Variants in RAD54L observed in about 807,000 individuals in gnomAD.
RAD54L encodes RAD54 like.
In RAD54L, 74 loss-of-function variants were observed where a neutral mutation model predicts 91.6. That is an observed-to-expected ratio of 0.81 (90% confidence interval 0.67 to 0.98). The LOEUF (loss-of-function observed/expected upper bound fraction) is 0.98, where lower values mean the gene tolerates loss of function less well. Ranked by LOEUF, RAD54L falls within the 50% of genes least tolerant of loss-of-function variation. The probability of loss-of-function intolerance (pLI) is 0.00; values close to 1 mark genes in which losing one functional copy is unlikely to be tolerated. For missense variants in RAD54L, 887 were observed against 945.7 expected (o/e 0.94, Z 0.81); for synonymous variants, 304 against 349.7 (o/e 0.87, Z 1.46).
chr1:46,258,766 GT>G lies in RAD54L; in HGVS notation c.271+25del. The G allele has an allele frequency of 6.4e-7, 1 of 1,557,730 alleles. No homozygotes were observed. On this transcript the variant is annotated intron_variant, in intron 4 of 17. Coordinates refer to ENST00000371975, the MANE Select transcript of RAD54L (RefSeq NM_003579.4). ...ATCAAGGTAAAATGGAGGTTTTTCT[GT>G]TTTTGAAATCAGTCATATGTACGTG... is the stretch of plus-strand genomic sequence containing the variant.
intron 17 of RAD54L, 29 bp downstream of exon 17, chr1:46,278,009 A>G (rs758080712): frequency 6.2e-7 from 1 of 1,614,080 alleles, no homozygotes; most frequent in East Asian, 2.2e-5. Context: ...CATTATCTCT[A>G]AGCTACCCAC....
At position 46,260,066 on chromosome 1, in the gene RAD54L, C is replaced by G. The variant is rs147941516; in HGVS notation, c.374C>G (p.Pro125Arg). ...GCCTTGGTTCTGTATGAGCCTCCCC[C>G]GCTGAGCGCTCATGACCAGCTGAAG... ...KDALVLYEPPPLSAHDQLKLD... is the reference protein window; with the variant it reads ...KDALVLYEPPRLSAHDQLKLD... The change falls in exon 5 of 18, where the codon CCG (proline) becomes CGG (arginine). Residue 125 changes from proline to arginine, a missense_variant. Coordinates refer to ENST00000371975, the MANE Select transcript of RAD54L (RefSeq NM_003579.4). 6 of 1,614,080 alleles carry G rather than the reference C, an allele frequency of 3.7e-6. No homozygotes were observed. Among genetic ancestry groups the G allele is most frequent in the South Asian group, 2.2e-5 (2 of 91,082 alleles).
At chr1:46,259,701 G>T (rs112638255) in intron 4 of RAD54L, among the ~76,000 whole-genome samples, 1 of 151,906 alleles carries the variant, frequency 6.6e-6, no homozygotes, top group African/African-American at 2.4e-5. Flanking sequence ...GCTTGAACCT[G>T]GGAGGCAGAG....
chr1:46,261,291 TGTC>T lies in RAD54L; in HGVS notation c.798_800del (p.Ser268del). 6.2e-7 allele frequency: 1 copy of T among 1,613,412 alleles called. No homozygotes were observed. Among genetic ancestry groups the T allele is most frequent in the Non-Finnish European group, 8.5e-7 (1 of 1,179,896 alleles). On this transcript the variant is annotated inframe_deletion, in exon 8 of 18. Transcript: ENST00000371975. ...TTCATGAACCAGCGTGGAGCCAGGG[TGTC>T]TTCTCCCATCCTCATCATTTCCTAT...
At chr1:46,250,812 TA>T (rs1659776586) in intron 3 of RAD54L, among the ~76,000 whole-genome samples, 1 of 150,796 alleles carries the variant, frequency 6.6e-6, no homozygotes, top group South Asian at 2.1e-4. Flanking sequence ...CCGTCTCTAC[TA>T]AAAATACAAA....
At chr1:46,249,273 G>T (rs940449486) in intron 2 of RAD54L, among the ~76,000 whole-genome samples, 2 of 152,196 alleles carry the variant, frequency 1.3e-5, no homozygotes, top group Admixed American at 1.3e-4. Flanking sequence ...TGTGAATAAG[G>T]TGTGGGGTAG....
rs201788900 is a variant in RAD54L at position 46,278,110 on chromosome 1, G to C, written c.2072G>C (p.Arg691Pro). The C allele has an allele frequency of 1.9e-6, 3 of 1,613,918 alleles. No homozygotes were observed. Among genetic ancestry groups the C allele is most frequent in the East Asian group, 2.2e-5 (1 of 44,880 alleles). ...CGTTGTGTCAACAGCCGTCAGATCCGGCCACCCCCTGATGGTTCTGACTGC... is the reference window on the plus strand; with the variant it reads ...CGTTGTGTCAACAGCCGTCAGATCCCGCCACCCCCTGATGGTTCTGACTGC... ...CRRCVNSRQI[R>P]PPPDGSDCTS... Residue 691 changes from arginine (R) to proline (P), a missense_variant, in exon 18 of 18, where the codon CGG (arginine) becomes CCG (proline). By Grantham distance (103) the Arg-to-Pro change is moderately radical (BLOSUM62 -2). Coordinates refer to ENST00000371975, the MANE Select transcript of RAD54L (RefSeq NM_003579.4).
At chr1:46,268,424 T>C (rs904651242) in intron 9 of RAD54L, among the ~76,000 whole-genome samples, 6 of 152,194 alleles carry the variant, frequency 3.9e-5, no homozygotes, top group African/African-American at 1.2e-4. Flanking sequence ...AACTTGCCAG[T>C]GCTCAAGAGT....
At chr1:46,274,092 C>T (rs1306452016) in intron 14 of RAD54L, 46 bp from the exon 15 acceptor site, 2 of 1,541,430 alleles carry the variant, frequency 1.3e-6, no homozygotes, top group African/African-American at 1.4e-5. Context: ...TTTTTTCCCC[C>T]TAATCATTGA....
intron 9 of RAD54L, among the ~76,000 whole-genome samples, chr1:46,269,558 C>T (rs746881243): frequency 6.6e-5 from 10 of 152,038 alleles, no homozygotes; most frequent in Admixed American, 2.6e-4. Context: ...TCTGCTCAGC[C>T]TCCAACTATA....
chr1:46,251,453 C>T (rs1020972978), intron 3 of RAD54L, among the ~76,000 whole-genome samples: 3 of 152,146 alleles, frequency 2.0e-5, no homozygotes, highest in African/African-American at 7.2e-5. Flanking sequence ...TTTTCCCATC[C>T]CCAGAGGTAA....
At chr1:46,261,136 T>C (rs746340312) in intron 7 of RAD54L, 121 bp downstream of exon 7, 149 of 1,537,392 alleles carry the variant, frequency 9.7e-5, no homozygotes, top group Non-Finnish European at 1.3e-4. Flanking sequence ...AGAATTTCCA[T>C]TGAAAATAGT....
chr1:46,247,699 C>T, upstream of RAD54L: 1 of 158,762 alleles, frequency 6.3e-6, no homozygotes, highest in Non-Finnish European at 1.4e-5. Context: ...ATGGGTGATA[C>T]GACGGCAGCG....
In RAD54L at chr1:46,278,174, G is replaced by A. The variant is rs772277170; in HGVS notation, c.2136G>A (p.Lys712=). ...DLAGWNHCTD[K]WGLRDEVLQA... is the part of the protein sequence containing the mutation. ...CAGGGTGGAACCACTGCACTGATAA[G>A]TGGGGGCTCCGGGATGAGGTACTCC... Residue 712 remains lysine (K), a synonymous_variant, in exon 18 of 18, where the codon AAG becomes AAA. Coordinates refer to ENST00000371975, the MANE Select transcript of RAD54L (RefSeq NM_003579.4). 1 of 1,613,856 alleles carries A rather than the reference G, an allele frequency of 6.2e-7. No homozygotes were observed. The highest frequency in any genetic ancestry group is 8.5e-7 in the Non-Finnish European group (1 of 1,179,908).
chr1:46,276,016 G>A (rs751957571), intron 16 of RAD54L, among the ~76,000 whole-genome samples: 1 of 151,606 alleles, frequency 6.6e-6, no homozygotes, highest in Non-Finnish European at 1.5e-5. Flanking sequence ...CTACCTCTCT[G>A]ATTACTCATT....
chr1:46,253,409 C>G (rs1412426971), intron 3 of RAD54L, among the ~76,000 whole-genome samples: 5 of 152,096 alleles, frequency 3.3e-5, no homozygotes, highest in African/African-American at 1.2e-4. Context: ...GTCAGGAGAT[C>G]GGAGATTGAG....
intron 14 of RAD54L, 47 bp downstream of exon 14, chr1:46,273,794 CCTA>C (rs1360234366): frequency 6.4e-7 from 1 of 1,561,474 alleles, no homozygotes; most frequent in Non-Finnish European, 8.7e-7. Context: ...ATACCCCTCC[CCTA>C]CTGTCTGTCT....
At chr1:46,251,624 T>G (rs1259506919) in intron 3 of RAD54L, among the ~76,000 whole-genome samples, 1 of 152,078 alleles carries the variant, frequency 6.6e-6, no homozygotes, top group Non-Finnish European at 1.5e-5. Flanking sequence ...AAAATGGTGT[T>G]GGGTGGGCAT....
chr1:46,275,846 G>A (rs1407584529), intron 16 of RAD54L, among the ~76,000 whole-genome samples: 1 of 151,846 alleles, frequency 6.6e-6, no homozygotes, highest in East Asian at 1.9e-4. Context: ...CTTAAAAAAT[G>A]CTCTTCTAGG....
Sources: gnomAD v4.1 joint callset for allele counts (sites outside exome capture counted in the v4.1 genomes callset) on GRCh38, gnomAD v4.1.1 for gene constraint, MANE v1.5 for transcripts, NCBI Gene and HGNC (gene_info 2026-07-23, HGNC 2026-07-21) for gene names.